The following MYBPC2 variants were observed in gnomAD, a reference collection of about 807,000 sequenced individuals.
MYBPC2 encodes the protein myosin-binding protein C, fast-type.
A neutral mutation model predicts 137.0 loss-of-function variants in MYBPC2; 122 were observed. The ratio of observed to expected loss-of-function variants is 0.89; its 90% CI spans 0.77 to 1.03. The LOEUF (loss-of-function observed/expected upper bound fraction) is 1.03. MYBPC2 is among the 50% of genes least tolerant of loss of function. The pLI, the probability that MYBPC2 is intolerant of heterozygous loss-of-function variation, is 0.00. For synonymous variants in MYBPC2, 626 were observed against 612.3 expected (o/e 1.02, Z -0.33); for missense variants, 1,500 against 1,534.4 (o/e 0.98, Z 0.37).
At chr19:50,464,178 G>A in intron 26 of MYBPC2, 168 bp from the exon 27 acceptor site, 1 of 604,014 alleles carries the variant, frequency 1.7e-6, no homozygotes, top group Non-Finnish European at 2.9e-6. Context: ...TTATCAACCT[G>A]CTTTTACATA....
At position 50,450,826 on chromosome 19, in the gene MYBPC2, T is replaced by C. The variant is rs774904103; in HGVS notation, c.1473-3T>C. On this transcript the variant is annotated splice_region_variant and splice_polypyrimidine_tract_variant and intron_variant, in intron 13 of 27. Transcript: ENST00000357701. Reference sequence around the variant, plus strand: ...AGCCCTACCCTGCTCCCCCACCCCTTAGGTTCCACAAGCTGGTGATCGATG... The same window carrying C: ...AGCCCTACCCTGCTCCCCCACCCCTCAGGTTCCACAAGCTGGTGATCGATG... 1 of 1,561,940 alleles carries C rather than the reference T, an allele frequency of 6.4e-7. No individual in the cohort carries two copies. The highest frequency in any genetic ancestry group is 8.7e-7 in the Non-Finnish European group (1 of 1,153,114).
intron 7 of MYBPC2, 71 bp downstream of exon 7, chr19:50,437,789 G>C: frequency 2.0e-6 from 3 of 1,499,206 alleles, no homozygotes; most frequent in Non-Finnish European, 2.7e-6. Flanking sequence ...GAAGCTCCAT[G>C]GCCCACTGAT....
At chr19:50,437,835 C>G in intron 7 of MYBPC2, 117 bp downstream of exon 7, 1 of 1,184,260 alleles carries the variant, frequency 8.4e-7, no homozygotes, top group Non-Finnish European at 1.2e-6. Flanking sequence ...TCTACCACCT[C>G]CATCTGTTCA....
In MYBPC2 at chr19:50,436,659, G is replaced by C. The variant is rs1350570511; in HGVS notation, c.388G>C (p.Asp130His). 1.4e-5 allele frequency: 22 copies of C among 1,613,950 alleles called. No homozygotes were observed. Among genetic ancestry groups the C allele is most frequent in the Non-Finnish European group, 1.9e-5 (22 of 1,179,854 alleles). ...ELHIGKVVLG[D>H]RGYYRLEVKA... Reference sequence around the variant, plus strand: ...GCACATTGGGAAGGTGGTACTGGGGGACCGTGGGTATTACCGCCTCGAGGT... The same window carrying C: ...GCACATTGGGAAGGTGGTACTGGGGCACCGTGGGTATTACCGCCTCGAGGT... The change falls in exon 5 of 28, where the codon GAC (aspartate) becomes CAC (histidine). Residue 130 changes from aspartate (D) to histidine (H), a missense_variant. Coordinates refer to ENST00000357701, the MANE Select transcript of MYBPC2 (RefSeq NM_004533.4).
At chr19:50,440,650 G>A (rs1314879676) in intron 7 of MYBPC2, among the ~76,000 whole-genome samples, 2 of 135,708 alleles carry the variant, frequency 1.5e-5, no homozygotes, top group Non-Finnish European at 3.1e-5. Flanking sequence ...GAGACAGAGT[G>A]AGAATCTGTC....
At chr19:50,453,788 C>T (rs1161314578) in intron 16 of MYBPC2, among the ~76,000 whole-genome samples, 1 of 152,108 alleles carries the variant, frequency 6.6e-6, no homozygotes, top group Non-Finnish European at 1.5e-5. Flanking sequence ...GATCTACCCG[C>T]CTCGGCCTCC....
At position 50,466,095 on chromosome 19, in the gene MYBPC2, C is replaced by A; in HGVS notation, c.3416-100C>A. ...GATGGGGCGGGATGGTGACCGTCATCCTGTCCCCCTGCTGGTCATGTGGAT... is the reference window on the plus strand; with the variant it reads ...GATGGGGCGGGATGGTGACCGTCATACTGTCCCCCTGCTGGTCATGTGGAT... On this transcript the variant is annotated intron_variant, in intron 27 of 27. Transcript: ENST00000357701. This position sits in a 1 kb window ranked among gnomAD's most constrained non-coding sequence, Gnocchi z 4.9. 3.9e-6 allele frequency: 6 copies of A among 1,526,754 alleles called. No individual in the cohort carries two copies. The highest frequency in any genetic ancestry group is 5.4e-6 in the Non-Finnish European group (6 of 1,117,030). 94.6% of individuals were successfully genotyped at this position (1,526,754 alleles called of 1,614,324 possible).
Position 50,459,305 on chromosome 19 carries a change from G to A in MYBPC2, c.2790G>A (p.Val930=), listed in dbSNP as rs756331615. 1 of 1,598,486 alleles carries A rather than the reference G, an allele frequency of 6.3e-7. No homozygotes were observed. Among genetic ancestry groups the A allele is most frequent in the South Asian group, 1.1e-5 (1 of 89,468 alleles). The change falls in exon 23 of 28, where the codon GTG becomes GTA. Residue 930 remains valine (V), a splice_region_variant and synonymous_variant. Transcript: ENST00000357701. The part of the protein sequence containing the change: ...KDTATIRIRV[V]EKAGPPINVM... ...CCGCCACCATCCGCATCCGCGTTGT[G>A]GGTGCGCGCGCTGGGGAGGGCCCCT...
rs529301535 is a variant in MYBPC2, at chr19:50,464,614, C to T, written c.3415+82C>T. ...CTGGCCGGTGGCCCCGGGCTGAGCA[C>T]CGCTGAGATCTGGAGACGAGTGAGA... is the stretch of plus-strand genomic sequence containing the variant. On this transcript the variant is annotated intron_variant, in intron 27 of 27. Coordinates refer to ENST00000357701, the MANE Select transcript of MYBPC2 (RefSeq NM_004533.4). 5.5e-4 allele frequency: 783 copies of T among 1,419,268 alleles called. 5 individuals are homozygous for T. Among genetic ancestry groups the T allele is most frequent in the Middle Eastern group, 3.5e-3 (14 of 3,998 alleles). The allele number at this position is 1,419,268 out of a possible 1,614,324, so 87.9% of individuals were successfully genotyped here. A position where few individuals can be genotyped will look rare whatever the true frequency, so the allele number is the denominator to read the frequency against.
rs567260684 is a variant in MYBPC2, at chr19:50,465,459, C to T, written c.3416-736C>T. On this transcript the variant is annotated intron_variant, in intron 27 of 27. Transcript: ENST00000357701. This position sits in a 1 kb window ranked among gnomAD's most constrained non-coding sequence, Gnocchi z 4.5. The stretch of plus-strand genomic sequence containing the variant: ...CAATGTGGACTTCCAGAGTCCCTCC[C>T]GGATGGTGACTTCTGACCTCTGACT... Among the ~76,000 whole-genome samples the T allele has an allele frequency of 8.5e-5, 13 of 152,306 alleles. 1 individual carries two copies. Among genetic ancestry groups the T allele is most frequent in the Middle Eastern group, 3.4e-3 (1 of 294 alleles).
Position 50,440,937 on chromosome 19 carries a change from C to G in MYBPC2, c.630C>G (p.Ile210Met). Residue 210 changes from isoleucine to methionine, a missense_variant, in exon 8 of 28, where the codon ATC becomes ATG. Physicochemically the swap from Ile to Met is conservative, Grantham distance 10. Coordinates refer to ENST00000357701, the MANE Select transcript of MYBPC2 (RefSeq NM_004533.4). ...KKKKDDDDLG[I>M]PPEIWELLKG... The stretch of plus-strand genomic sequence containing the variant: ...AGAAAGATGACGATGACCTAGGCAT[C>G]CCCCCGGAGATTTGGGAGCTCCTGA... 1 of 1,613,610 alleles carries G rather than the reference C, an allele frequency of 6.2e-7. No individual in the cohort carries two copies. Among genetic ancestry groups the G allele is most frequent in the Non-Finnish European group, 8.5e-7 (1 of 1,179,728 alleles).
chr19:50,449,019 C>T (rs769394323), intron 13 of MYBPC2, among the ~76,000 whole-genome samples: 23 of 152,070 alleles, frequency 1.5e-4, no homozygotes, highest in Admixed American at 5.2e-4. Flanking sequence ...TGTGAACCAC[C>T]GCACCTGTCC....
At chr19:50,460,284 A>G (rs1050702178) in intron 24 of MYBPC2, 105 bp downstream of exon 24, 2 of 1,441,372 alleles carry the variant, frequency 1.4e-6, no homozygotes, top group Admixed American at 2.6e-5. Context: ...CCCAGAGGCT[A>G]GAGGACGGGC....
intron 9 of MYBPC2, 104 bp downstream of exon 9, chr19:50,442,417 C>T (rs2039764729): frequency 6.8e-7 from 1 of 1,467,338 alleles, no homozygotes; most frequent in African/African-American, 1.4e-5. Context: ...ATATTCACCC[C>T]TATATGAAGA....
At position 50,455,227 on chromosome 19, in the gene MYBPC2, C is replaced by A; in HGVS notation, c.2134C>A (p.Arg712Ser). 6.2e-7 allele frequency: 1 copy of A among 1,613,914 alleles called. No homozygotes were observed. The highest frequency in any genetic ancestry group is 8.5e-7 in the Non-Finnish European group (1 of 1,179,860). The change falls in exon 19 of 28, where the codon CGT becomes AGT. Residue 712 changes from arginine to serine, a missense_variant. By Grantham distance (110) the Arg-to-Ser change is moderately radical (BLOSUM62 -1). Transcript: ENST00000357701. ...GATCGAGGGCATCCTCTATGAGATGCGTGTCTTCGCCGTCAATGCTATAGG... is the reference window on the plus strand; with the variant it reads ...GATCGAGGGCATCCTCTATGAGATGAGTGTCTTCGCCGTCAATGCTATAGG... ...KMIEGILYEM[R>S]VFAVNAIGVS...
At position 50,459,344 on chromosome 19, in the gene MYBPC2, G is replaced by C. The variant is rs2039947293; in HGVS notation, c.2791+38G>C. On this transcript the variant is annotated intron_variant, in intron 23 of 27. Transcript: ENST00000357701. ...GGGAGGGCCCCTGGAGGCCGGGAGG[G>C]GCAGGGATGGGCAGCGATGGGGGAG... The C allele has an allele frequency of 1.9e-6, 3 of 1,561,638 alleles. No individual in the cohort carries two copies. In the East Asian group the frequency reaches 6.8e-5, roughly 35 times the overall value.
Position 50,464,467 on chromosome 19 carries a change from C to T in MYBPC2, c.3350C>T (p.Thr1117Ile), listed in dbSNP as rs760859761. 6.2e-7 allele frequency: 1 copy of T among 1,613,114 alleles called. No homozygotes were observed. Reference sequence around the variant, plus strand: ...CGCCCCTCGCCCTTCGACGCTGGGACTTACACCTGCCGGGCCGTCAACGAG... The same window carrying T: ...CGCCCCTCGCCCTTCGACGCTGGGATTTACACCTGCCGGGCCGTCAACGAG... Reference protein sequence around the residue: ...IRRPSPFDAGTYTCRAVNELG... With the variant: ...IRRPSPFDAGIYTCRAVNELG... Residue 1117 changes from threonine to isoleucine, a missense_variant, in exon 27 of 28, where the codon ACT becomes ATT. Transcript: ENST00000357701.
At chr19:50,448,427 T>A (rs1601288700) in intron 13 of MYBPC2, 37 bp downstream of exon 13, 2 of 1,602,810 alleles carry the variant, frequency 1.2e-6, no homozygotes, top group Non-Finnish European at 1.7e-6. Context: ...GGGGGTAGGG[T>A]GTGCATAGCA....
chr19:50,451,029 C>T (rs147046977), intron 14 of MYBPC2, 94 bp downstream of exon 14: 18 of 1,218,006 alleles, frequency 1.5e-5, no homozygotes, highest in South Asian at 1.5e-4. Context: ...TAAGGTTCCC[C>T]GAGTGCGAAT....
Sources: allele counts gnomAD v4.1 joint callset (sites outside exome capture counted in the v4.1 genomes callset), GRCh38; gene constraint gnomAD v4.1.1; non-coding constraint Gnocchi (gnomAD v3.1); transcripts MANE v1.5; gene names NCBI Gene and HGNC (gene_info 2026-07-23, HGNC 2026-07-21).